CORO1C: variants seen among roughly 807,000 people sequenced by gnomAD.
The protein encoded by CORO1C is coronin-1C.
In CORO1C, 14 loss-of-function variants were observed where a neutral mutation model predicts 51.2. The observed-to-expected ratio is 0.27, with a 90% CI of 0.18 to 0.43. CORO1C has a LOEUF of 0.43. Ranked by LOEUF, CORO1C falls within the 20% of genes least tolerant of loss-of-function variation. The pLI, the probability that CORO1C is intolerant of heterozygous loss-of-function variation, is 1.00. For missense variants in CORO1C, 417 were observed against 607.8 expected (o/e 0.69, Z 3.30); for synonymous variants, 181 against 210.5 (o/e 0.86, Z 1.21).
At chr12:108,716,408 T>C (rs2035338843) in intron 1 of CORO1C, among the ~76,000 whole-genome samples, 1 of 152,192 alleles carries the variant, frequency 6.6e-6, no homozygotes, top group Non-Finnish European at 1.5e-5. Flanking sequence ...TTCATAAGGC[T>C]AGTCACAGGC....
At chr12:108,672,086 T>C (rs756900402) in intron 3 of CORO1C, among the ~76,000 whole-genome samples, 3 of 152,112 alleles carry the variant, frequency 2.0e-5, no homozygotes, top group Non-Finnish European at 4.4e-5. Flanking sequence ...TCAGAGAAAC[T>C]CACTTTCAAG....
intron 1 of CORO1C, among the ~76,000 whole-genome samples, chr12:108,714,397 CAAAAAA>C (rs34182326): frequency 1.1e-5 from 1 of 94,958 alleles, no homozygotes; most frequent in South Asian, 3.5e-4. Flanking sequence ...GAGTCAGTCT[CAAAAAA>C]AAAAAAAAAA....
chr12:108,673,892 A>G (rs2033807246), intron 3 of CORO1C, among the ~76,000 whole-genome samples: 1 of 151,782 alleles, frequency 6.6e-6, no homozygotes, highest in Admixed American at 6.6e-5. Flanking sequence ...AATAAAATAA[A>G]AAATAAATAA....
Position 108,693,798 on chromosome 12 carries a change from T to C in CORO1C, c.195+7326A>G, listed in dbSNP as rs373023923. Among the ~76,000 whole-genome samples, 4 of 152,256 alleles carry C rather than the reference T, an allele frequency of 2.6e-5. No homozygotes were observed. The South Asian group carries it at 8.3e-4, about 32-fold the overall frequency. ...CTCTACTAACTTAACAGTTTAAAAGTTGGGTTGGCTCCTCTTCTGTTTCAT... is the reference window on the plus strand; with the variant it reads ...CTCTACTAACTTAACAGTTTAAAAGCTGGGTTGGCTCCTCTTCTGTTTCAT... On this transcript the variant is annotated intron_variant, in intron 2 of 10. Coordinates refer to ENST00000261401, the MANE Select transcript of CORO1C (RefSeq NM_014325.4).
chr12:108,729,041 CA>C (rs925561947), intron 1 of CORO1C, among the ~76,000 whole-genome samples: 1 of 152,062 alleles, frequency 6.6e-6, no homozygotes, highest in African/African-American at 2.4e-5. Context: ...CAGTTTGTGA[CA>C]AATCAAAATA....
intron 6 of CORO1C, among the ~76,000 whole-genome samples, chr12:108,656,793 G>T (rs983609129): frequency 6.6e-6 from 1 of 152,212 alleles, no homozygotes; most frequent in African/African-American, 2.4e-5. Context: ...TCCACTCAGG[G>T]TTAAATGGAT....
chr12:108,654,705 C>CT lies in CORO1C; in HGVS notation c.751-296dup, dbSNP rs1003628138. ...TCTCCTTTGTTACTGTTTTCTTTTT[C>CT]TTTTTTTTTTTTTTAAAGACTGAGT... On this transcript the variant is annotated intron_variant, in intron 6 of 10. Coordinates refer to ENST00000261401, the MANE Select transcript of CORO1C (RefSeq NM_014325.4). Among the ~76,000 whole-genome samples, 264 of 142,608 alleles carry CT rather than the reference C, an allele frequency of 1.9e-3. 1 individual carries two copies. Among genetic ancestry groups the CT allele is most frequent in the African/African-American group, 3.7e-3 (145 of 39,012 alleles). 93.6% of individuals were successfully genotyped at this position (142,608 alleles called of 152,430 possible).
chr12:108,674,263 T>G (rs1474936317), intron 3 of CORO1C, among the ~76,000 whole-genome samples: 3 of 152,164 alleles, frequency 2.0e-5, no homozygotes, highest in African/African-American at 7.2e-5. Flanking sequence ...CTGGGCAAAG[T>G]GAATTAAAAA....
At chr12:108,683,750 CCAAT>C (rs201743627) in intron 2 of CORO1C, among the ~76,000 whole-genome samples, 199 of 152,120 alleles carry the variant, frequency 1.3e-3, no homozygotes, top group Middle Eastern at 6.8e-3. Context: ...TCACCACCTC[CCAAT>C]CAATCAATCA....
intron 3 of CORO1C, among the ~76,000 whole-genome samples, chr12:108,670,240 T>A (rs1430414848): frequency 2.0e-5 from 3 of 152,136 alleles, no homozygotes; most frequent in Admixed American, 6.5e-5. Flanking sequence ...CGGGTGTGTG[T>A]GGGAAGGGAC....
Position 108,647,248 on chromosome 12 carries a change from C to A in CORO1C, c.*155G>T. On this transcript the variant is annotated 3_prime_UTR_variant, in exon 11 of 11. Transcript: ENST00000261401. ...ATTTGGGAGACAAATTGAGTTCTTA[C>A]TGGAATGTGGCCTATCGCTGGTTGA... 3.4e-6 allele frequency: 2 copies of A among 585,404 alleles called. No individual in the cohort carries two copies. Among genetic ancestry groups the A allele is most frequent in the Non-Finnish European group, 5.7e-6 (2 of 349,288 alleles). 36.3% of individuals were successfully genotyped at this position (585,404 alleles called of 1,614,324 possible).
At chr12:108,726,253 T>A (rs2035587834) in intron 1 of CORO1C, among the ~76,000 whole-genome samples, 1 of 151,526 alleles carries the variant, frequency 6.6e-6, no homozygotes, top group South Asian at 2.1e-4. Context: ...CCATCTCTAC[T>A]AAAAAATACC....
chr12:108,699,011 C>A (rs1349304215), intron 2 of CORO1C, among the ~76,000 whole-genome samples: 1 of 152,146 alleles, frequency 6.6e-6, no homozygotes, highest in African/African-American at 2.4e-5. Flanking sequence ...AATGTCACCT[C>A]CTCTAAAACA....
chr12:108,701,022 T>A, intron 2 of CORO1C, 102 bp downstream of exon 2: 1 of 1,288,680 alleles, frequency 7.8e-7, no homozygotes. Context: ...CAGAGTCTAA[T>A]GGTTTCACAA....
chr12:108,696,800 G>C (rs1379729795), intron 2 of CORO1C, among the ~76,000 whole-genome samples: 1 of 152,244 alleles, frequency 6.6e-6, no homozygotes, highest in Non-Finnish European at 1.5e-5. Context: ...TTACAAAAGA[G>C]AGTGGGAATC....
intron 1 of CORO1C, among the ~76,000 whole-genome samples, chr12:108,715,110 A>G (rs1211697431): frequency 2.6e-5 from 4 of 151,478 alleles, no homozygotes; most frequent in Non-Finnish European, 4.4e-5. Context: ...GGTTCATACC[A>G]GTAATCCCAG....
At chr12:108,698,734 T>C (rs1418904294) in intron 2 of CORO1C, among the ~76,000 whole-genome samples, 1 of 152,200 alleles carries the variant, frequency 6.6e-6, no homozygotes, top group Admixed American at 6.5e-5. Flanking sequence ...CACAGCTGCT[T>C]ATGTTACAGA....
At chr12:108,688,737 T>C (rs542044120) in intron 2 of CORO1C, among the ~76,000 whole-genome samples, 1 of 152,082 alleles carries the variant, frequency 6.6e-6, no homozygotes, top group Non-Finnish European at 1.5e-5. Flanking sequence ...TGAAACTTCA[T>C]CTCTACTAAA....
intron 1 of CORO1C, chr12:108,702,968 G>A: frequency 2.0e-6 from 3 of 1,509,782 alleles, no homozygotes; most frequent in Non-Finnish European, 2.7e-6. Flanking sequence ...TTTGGTAGAG[G>A]AGATGGCAAA....
Sources: gnomAD v4.1 joint callset for allele counts (sites outside exome capture counted in the v4.1 genomes callset) on GRCh38, gnomAD v4.1.1 for gene constraint, MANE v1.5 for transcripts, NCBI Gene and HGNC (gene_info 2026-07-23, HGNC 2026-07-21) for gene names.